The following BPTF variants were observed in gnomAD, a reference collection of about 807,000 sequenced individuals.
BPTF encodes the protein nucleosome-remodeling factor subunit BPTF.
Under a neutral mutation model 292.5 loss-of-function variants are expected in BPTF, and 18 were observed. The ratio of observed to expected loss-of-function variants is 0.06; its 90% CI spans 0.04 to 0.09. BPTF has a LOEUF of 0.09. BPTF is among the 10% of genes least tolerant of loss of function. The probability of loss-of-function intolerance (pLI) is 1.00; values close to 1 mark genes in which losing one functional copy is unlikely to be tolerated. For missense variants in BPTF, 2,726 were observed against 3,498.7 expected, an observed-to-expected ratio of 0.78 and a Z score of 5.57; for synonymous variants, 1,225 against 1,251.9, an observed-to-expected ratio of 0.98 and a Z score of 0.45.
Position 67,972,944 on chromosome 17 carries a change from A to G in BPTF, c.8540-2828A>G, listed in dbSNP as rs143972603. 3.3e-5 allele frequency among the ~76,000 whole-genome samples: 5 copies of G among 151,404 alleles called. No homozygotes were observed. In the East Asian group the frequency reaches 9.7e-4, roughly 29 times the overall value. On this transcript the variant is annotated intron_variant, in intron 26 of 27. Transcript: ENST00000306378. ...GGAATCCAACTCTGTGTGTTTTCAC[A>G]GTTCTTCACATTTACACATTTTTTT...
At chr17:67,898,004 A>G (rs1310174496) in intron 7 of BPTF, among the ~76,000 whole-genome samples, 4 of 152,210 alleles carry the variant, frequency 2.6e-5, no homozygotes, top group Non-Finnish European at 4.4e-5. Flanking sequence ...ATAAGAAACC[A>G]TGGCTGAATT....
intron 23 of BPTF, 102 bp from the exon 24 acceptor site, chr17:67,959,439 T>G: frequency 1.1e-6 from 1 of 907,500 alleles, no homozygotes; most frequent in Non-Finnish European, 1.6e-6. Flanking sequence ...GGCTGAACTG[T>G]GGAGCTACTT....
intron 11 of BPTF, among the ~76,000 whole-genome samples, chr17:67,915,408 C>A (rs753371905): frequency 1.3e-5 from 2 of 152,218 alleles, no homozygotes; most frequent in Non-Finnish European, 2.9e-5. Flanking sequence ...AGATCACATT[C>A]ATGGAAAGTA....
intron 18 of BPTF, among the ~76,000 whole-genome samples, chr17:67,933,897 A>T (rs886208951): frequency 6.6e-6 from 1 of 151,570 alleles, no homozygotes; most frequent in African/African-American, 2.4e-5. Flanking sequence ...CATCTCTACT[A>T]AAAATATAAA....
intron 17 of BPTF, 136 bp from the exon 18 acceptor site, chr17:67,931,775 G>T: frequency 1.7e-6 from 1 of 577,218 alleles, no homozygotes; most frequent in East Asian, 3.2e-5. Flanking sequence ...AATTTAAAAT[G>T]TAATGTTCAA....
chr17:67,911,555 A>G lies in BPTF; in HGVS notation c.3671A>G (p.Asp1224Gly). Residue 1224 changes from aspartate (D) to glycine (G), a missense_variant, in exon 11 of 28, where the codon GAT becomes GGT. Transcript: ENST00000306378. ...GATGACTCTAAACTAGCCAGTGCAG[A>G]TGATATTGGTACTTTGATCTGTAAG... ...FIDDSKLASA[D>G]DIGTLICKNK... is the part of the protein sequence containing the mutation. 1 of 1,614,186 alleles carries G rather than the reference A, an allele frequency of 6.2e-7. No individual in the cohort carries two copies. The highest frequency in any genetic ancestry group is 1.6e-4 in the Middle Eastern group (1 of 6,062).
At chr17:67,935,835 A>G (rs1204648678) in intron 18 of BPTF, among the ~76,000 whole-genome samples, 3 of 152,220 alleles carry the variant, frequency 2.0e-5, no homozygotes, top group Non-Finnish European at 4.4e-5. Context: ...AGACTGGGCG[A>G]CAGAGTGAAA....
intron 24 of BPTF, among the ~76,000 whole-genome samples, chr17:67,961,186 A>G (rs1194239986): frequency 1.3e-5 from 2 of 152,222 alleles, no homozygotes; most frequent in African/African-American, 4.8e-5. Context: ...GATTTCACAC[A>G]CAACTTCTTT....
At chr17:67,846,041 C>T (rs371356944) in intron 1 of BPTF, among the ~76,000 whole-genome samples, 2 of 152,086 alleles carry the variant, frequency 1.3e-5, no homozygotes, top group East Asian at 3.9e-4. Flanking sequence ...TGTTTTGCTA[C>T]TGAAGCAAAA....
intron 27 of BPTF, chr17:67,981,410 C>T: frequency 9.9e-7 from 1 of 1,012,810 alleles, no homozygotes. Flanking sequence ...TCATTTATAC[C>T]ATCCATATTC....
chr17:67,981,793 G>A (rs2070390083), intron 27 of BPTF: 23 of 925,790 alleles, frequency 2.5e-5, no homozygotes, highest in South Asian at 5.0e-5. Flanking sequence ...ATAGAAAAAT[G>A]TGATTTTAAG....
At chr17:67,934,811 A>G (rs2064767011) in intron 18 of BPTF, among the ~76,000 whole-genome samples, 1 of 135,262 alleles carries the variant, frequency 7.4e-6, no homozygotes, top group East Asian at 2.5e-4. Flanking sequence ...GGCAGAGGTC[A>G]TGGTGAGCCA....
At chr17:67,923,471 C>CTTTTTTTTTTT (rs58462646) in intron 14 of BPTF, among the ~76,000 whole-genome samples, 11 of 67,494 alleles carry the variant, frequency 1.6e-4, no homozygotes, top group African/African-American at 4.7e-4. Context: ...CTCTCTCTGT[C>CTTTTTTTTTTT]TTTTTTTTTT....
In BPTF at chr17:67,922,354, C is replaced by T. The variant is rs1203917593; in HGVS notation, c.5558-486C>T. The stretch of plus-strand genomic sequence containing the variant: ...TATCTATTCTTAGGTTTCACATCTC[C>T]ACTTTATATTGGTAACTCTCAAATC... On this transcript the variant is annotated intron_variant, in intron 13 of 27. Coordinates refer to ENST00000306378, the MANE Select transcript of BPTF (RefSeq NM_182641.4). Among the ~76,000 whole-genome samples the T allele has an allele frequency of 2.6e-5, 4 of 152,052 alleles. No individual in the cohort carries two copies. The East Asian group carries it at 5.8e-4, about 22-fold the overall frequency.
rs553102579 is a variant in BPTF, at chr17:67,879,786, C to T, written c.1864+4766C>T. Among the ~76,000 whole-genome samples, 6 of 152,188 alleles carry T rather than the reference C, an allele frequency of 3.9e-5. No individual in the cohort carries two copies. In the South Asian group the frequency reaches 1.2e-3, roughly 32 times the overall value. The stretch of plus-strand genomic sequence containing the variant: ...GGAGGCGGGGGTGGCAGATGACAGG[C>T]TCTTTTTCTAACAGTCAGCTCTAGT... On this transcript the variant is annotated intron_variant, in intron 4 of 27. Coordinates refer to ENST00000306378, the MANE Select transcript of BPTF (RefSeq NM_182641.4).
In BPTF at chr17:67,928,359, G is replaced by T; in HGVS notation, c.5756G>T (p.Arg1919Leu). Residue 1919 changes from arginine (R) to leucine (L), a missense_variant, in exon 16 of 28, where the codon CGA (arginine) becomes CTA (leucine). Coordinates refer to ENST00000306378, the MANE Select transcript of BPTF (RefSeq NM_182641.4). ...AQAVEQQAKK[R>L]LEQQKPTVIA... ...TCCTCTCCTTCACTTTTTTAGAAAC[G>T]ACTGGAGCAGCAGAAGCCGACAGTG... 1.2e-6 allele frequency: 2 copies of T among 1,602,566 alleles called. No homozygotes were observed. The highest frequency in any genetic ancestry group is 2.2e-5 in the South Asian group (2 of 89,650).
chr17:67,845,148 A>C lies in BPTF; in HGVS notation c.614-8792A>C, dbSNP rs562278451. On this transcript the variant is annotated intron_variant, in intron 1 of 27. Transcript: ENST00000306378. ...ACATCTCATCAGGAGGTGCACCATC[A>C]ATTTGTTCCATTATTGATATAGATC... Among the ~76,000 whole-genome samples, 24 of 136,600 alleles carry C rather than the reference A, an allele frequency of 1.8e-4. No homozygotes were observed. In the East Asian group the frequency reaches 6.5e-3, roughly 37 times the overall value. 89.6% of individuals were successfully genotyped at this position (136,600 alleles called of 152,430 possible).
At chr17:67,869,216 A>G (rs1371901687) in intron 3 of BPTF, among the ~76,000 whole-genome samples, 1 of 152,202 alleles carries the variant, frequency 6.6e-6, no homozygotes, top group Non-Finnish European at 1.5e-5. Context: ...TTAGTCCTCT[A>G]AAAGGCAATG....
Position 67,894,234 on chromosome 17 carries a change from A to G in BPTF, c.2543+69A>G, listed in dbSNP as rs981645677. On this transcript the variant is annotated intron_variant, in intron 7 of 27. Coordinates refer to ENST00000306378, the MANE Select transcript of BPTF (RefSeq NM_182641.4). ...CTTTTGAAATACTAGCCTATTAATA[A>G]TGAAAGTTAATATATTTAAGAGGCC... 1.0e-5 allele frequency: 15 copies of G among 1,474,338 alleles called. No individual in the cohort carries two copies. The Admixed American group carries it at 2.9e-4, about 28-fold the overall frequency. The allele number at this position is 1,474,338 out of a possible 1,614,324, so 91.3% of individuals were successfully genotyped here.
Sources: allele counts gnomAD v4.1 joint callset (sites outside exome capture counted in the v4.1 genomes callset), GRCh38; gene constraint gnomAD v4.1.1; transcripts MANE v1.5; gene names NCBI Gene and HGNC (gene_info 2026-07-23, HGNC 2026-07-21).